The following KDM6A variants were observed in gnomAD, a reference collection of about 807,000 sequenced individuals.
KDM6A encodes lysine demethylase 6A, also known as lysine-specific demethylase 6A.
Under a neutral mutation model 117.6 loss-of-function variants are expected in KDM6A, and 11 were observed. That is an observed-to-expected ratio of 0.09 (90% CI 0.06 to 0.15). KDM6A has a LOEUF of 0.15. Among genes scored for constraint, KDM6A ranks in the 10% least tolerant of loss-of-function variants. KDM6A has a pLI of 1.00. For synonymous variants in KDM6A, 384 were observed against 396.1 expected, an observed-to-expected ratio of 0.97 and a Z score of 0.36; for missense variants, 799 against 1,077.3, an observed-to-expected ratio of 0.74 and a Z score of 3.62.
chrX:44,908,548 A>G (rs1276818467), intron 2 of KDM6A, among the ~76,000 whole-genome samples: 1 of 111,239 alleles, frequency 9.0e-6, no homozygotes, highest in East Asian at 2.8e-4. Flanking sequence ...TGGCTCGTTT[A>G]AGGTAGTTAT....
intron 2 of KDM6A, among the ~76,000 whole-genome samples, chrX:44,931,513 G>A (rs757692710): frequency 2.7e-5 from 3 of 111,925 alleles, no homozygotes; most frequent in Non-Finnish European, 5.6e-5. Flanking sequence ...TACATACAGT[G>A]AAATATTATG....
At chrX:44,893,533 G>A (rs1454950964) in intron 2 of KDM6A, among the ~76,000 whole-genome samples, 3 of 80,069 alleles carry the variant, frequency 3.7e-5, no homozygotes, top group Non-Finnish European at 7.0e-5. Flanking sequence ...TTTTTGATAT[G>A]AAGTCTTGCT....
At position 45,064,964 on chromosome X, in the gene KDM6A, G is replaced by A. The variant is rs956494694; in HGVS notation, c.2079+1147G>A. Among the ~76,000 whole-genome samples, 19 of 111,456 alleles carry A rather than the reference G, an allele frequency of 1.7e-4. 1 individual carries two copies. Among genetic ancestry groups the A allele is most frequent in the African/African-American group, 5.6e-4 (17 of 30,612 alleles). On this transcript the variant is annotated intron_variant, in intron 17 of 29. Transcript: ENST00000611820. ...AAAATATACTGAGATGTCTCTACTT[G>A]GTGTAGGTAAATAGATAGTAAACAA...
intron 2 of KDM6A, among the ~76,000 whole-genome samples, chrX:44,898,768 G>A (rs2034090927): frequency 9.0e-6 from 1 of 110,766 alleles, no homozygotes; most frequent in Admixed American, 9.6e-5. Flanking sequence ...ACCCCTGTGT[G>A]GGGGATGGAA....
intron 18 of KDM6A, among the ~76,000 whole-genome samples, chrX:45,073,782 C>T (rs2044979033): frequency 8.9e-6 from 1 of 111,748 alleles, no homozygotes; most frequent in Non-Finnish European, 1.9e-5. Flanking sequence ...AGCCCTTTGT[C>T]AGAATGGATA....
At chrX:44,894,736 C>T (rs933003655) in intron 2 of KDM6A, among the ~76,000 whole-genome samples, 30 of 107,176 alleles carry the variant, frequency 2.8e-4, no homozygotes, top group African/African-American at 1.0e-3. Context: ...CTGCCTCAGC[C>T]CCCGAGTAGC....
At chrX:44,945,916 G>A (rs759243023) in intron 2 of KDM6A, among the ~76,000 whole-genome samples, 32 of 111,897 alleles carry the variant, frequency 2.9e-4, no homozygotes, top group Admixed American at 6.6e-4. Flanking sequence ...AGTCATATTG[G>A]AAAAATTTAT....
chrX:44,993,324 G>A (rs1278124897), intron 4 of KDM6A, among the ~76,000 whole-genome samples: 1 of 111,523 alleles, frequency 9.0e-6, no homozygotes, highest in East Asian at 2.8e-4. Context: ...GTGAAAAAAA[G>A]AATGTGATAA....
intron 6 of KDM6A, among the ~76,000 whole-genome samples, chrX:45,026,031 G>A (rs2042351724): frequency 1.8e-5 from 2 of 111,895 alleles, no homozygotes; most frequent in South Asian, 7.4e-4. Context: ...GGGTGTTGGT[G>A]TTTCTTGAAT....
At chrX:44,880,285 G>A (rs35790036) in intron 2 of KDM6A, among the ~76,000 whole-genome samples, 185 of 109,685 alleles carry the variant, frequency 1.7e-3, no homozygotes, top group Non-Finnish European at 2.9e-3. Context: ...ACCTTGTTAT[G>A]AGTTCTTAAC....
rs902002579 is a variant in KDM6A, at chrX:45,112,529, C to G, written c.*1118C>G. On this transcript the variant is annotated 3_prime_UTR_variant, in exon 30 of 30. Transcript: ENST00000611820. Reference sequence around the variant, plus strand: ...TATATATGGTATGTATCCTCAAGACCTAAAATGTCAGACTGGTTTATTGTT... The same window carrying G: ...TATATATGGTATGTATCCTCAAGACGTAAAATGTCAGACTGGTTTATTGTT... 2 of 137,043 alleles carry G rather than the reference C, an allele frequency of 1.5e-5. No homozygotes were observed. The highest frequency in any genetic ancestry group is 2.9e-5 in the Non-Finnish European group (2 of 68,221). The allele number at this position is 137,043 out of a possible 1,213,427, so 11.3% of individuals were successfully genotyped here. A position where few individuals can be genotyped will look rare whatever the true frequency, so the allele number is the denominator to read the frequency against.
intron 27 of KDM6A, among the ~76,000 whole-genome samples, chrX:45,104,542 T>C (rs900826406): frequency 3.6e-5 from 4 of 112,079 alleles, no homozygotes; most frequent in Admixed American, 2.8e-4. Context: ...TACGATCCTT[T>C]CCCTAAATCA....
intron 2 of KDM6A, among the ~76,000 whole-genome samples, chrX:44,943,744 C>T (rs1171945029): frequency 8.9e-6 from 1 of 111,933 alleles, no homozygotes; most frequent in Non-Finnish European, 1.9e-5. Flanking sequence ...AATAAAGCTG[C>T]TATAAACATT....
intron 2 of KDM6A, among the ~76,000 whole-genome samples, chrX:44,889,653 T>A (rs1203444395): frequency 3.6e-5 from 4 of 111,515 alleles, no homozygotes; most frequent in Non-Finnish European, 5.6e-5. Flanking sequence ...CCTTAAATAG[T>A]CATGATTCTA....
intron 5 of KDM6A, among the ~76,000 whole-genome samples, chrX:45,017,893 TG>T (rs764135272): frequency 1.7e-3 from 188 of 111,681 alleles, no homozygotes; most frequent in African/African-American, 5.9e-3. Flanking sequence ...TTGACCAGTT[TG>T]GGTGGTGTGT....
At chrX:44,925,041 A>G (rs1433742446) in intron 2 of KDM6A, among the ~76,000 whole-genome samples, 3 of 111,894 alleles carry the variant, frequency 2.7e-5, no homozygotes, top group Non-Finnish European at 5.6e-5. Flanking sequence ...TAGTAGGTGT[A>G]TATATGAGAT....
In KDM6A at chrX:45,111,801, A is replaced by T. The variant is rs1019098154; in HGVS notation, c.*390A>T. 5.4e-6 allele frequency: 1 copy of T among 183,903 alleles called. No individual in the cohort carries two copies. Among genetic ancestry groups the T allele is most frequent in the African/African-American group, 3.0e-5 (1 of 33,708 alleles). 15.2% of individuals were successfully genotyped at this position (183,903 alleles called of 1,213,427 possible). ...AAAAAAAATACTAGCCTAGCTGGTCATTTCTTTGTAAGGTAGTTAGCAATT... is the reference window on the plus strand; with the variant it reads ...AAAAAAAATACTAGCCTAGCTGGTCTTTTCTTTGTAAGGTAGTTAGCAATT... On this transcript the variant is annotated 3_prime_UTR_variant, in exon 30 of 30. Coordinates refer to ENST00000611820, the MANE Select transcript of KDM6A (RefSeq NM_001291415.2).
intron 2 of KDM6A, among the ~76,000 whole-genome samples, chrX:44,900,289 G>A (rs2034245205): frequency 8.9e-6 from 1 of 111,898 alleles, no homozygotes; most frequent in Admixed American, 9.5e-5. Context: ...GGAAGGAGAG[G>A]CGGTACGTAC....
chrX:45,094,557 T>G (rs2046022743), intron 27 of KDM6A, among the ~76,000 whole-genome samples: 2 of 112,031 alleles, frequency 1.8e-5, no homozygotes, highest in African/African-American at 6.5e-5. Flanking sequence ...TTTTCTTCAC[T>G]TGAGCACCAG....
Sources: gnomAD v4.1 joint callset for allele counts (sites outside exome capture counted in the v4.1 genomes callset) on GRCh38, gnomAD v4.1.1 for gene constraint, MANE v1.5 for transcripts, NCBI Gene and HGNC (gene_info 2026-07-23, HGNC 2026-07-21) for gene names.